The following CGNL1 variants were observed in gnomAD, a reference collection of about 807,000 sequenced individuals.
CGNL1 encodes cingulin-like protein 1.
In CGNL1, 132 loss-of-function variants were observed where a neutral mutation model predicts 141.2. The ratio of observed to expected loss-of-function variants is 0.93; its 90% CI spans 0.81 to 1.08. The LOEUF (loss-of-function observed/expected upper bound fraction) is 1.08. CGNL1 is among the 50% of genes least tolerant of loss of function. The probability of loss-of-function intolerance (pLI) is 0.00; values close to 1 mark genes in which losing one functional copy is unlikely to be tolerated. For synonymous variants in CGNL1, 690 were observed against 622.1 expected (o/e 1.11, Z -1.63); for missense variants, 1,870 against 1,588.6 (o/e 1.18, Z -3.01).
chr15:57,489,729 TC>T (rs2063832524), intron 8 of CGNL1, among the ~76,000 whole-genome samples: 1 of 152,200 alleles, frequency 6.6e-6, no homozygotes, highest in African/African-American at 2.4e-5. Context: ...TTTTCCAGGC[TC>T]CCTACCATTC....
intron 1 of CGNL1, among the ~76,000 whole-genome samples, chr15:57,384,606 C>G (rs1330037430): frequency 1.3e-5 from 2 of 152,148 alleles, no homozygotes; most frequent in Non-Finnish European, 2.9e-5. Flanking sequence ...CTGTATATGC[C>G]TTTATCTTGG....
At chr15:57,506,572 G>C (rs1483265478) in intron 8 of CGNL1, among the ~76,000 whole-genome samples, 2 of 152,198 alleles carry the variant, frequency 1.3e-5, no homozygotes, top group Non-Finnish European at 2.9e-5. Context: ...GAAGCCCCCA[G>C]CTGGCAGGTT....
At position 57,453,730 on chromosome 15, in the gene CGNL1, G is replaced by C. The variant is rs762496925; in HGVS notation, c.2102G>C (p.Arg701Thr). The C allele has an allele frequency of 6.2e-7, 1 of 1,613,838 alleles. No homozygotes were observed. The highest frequency in any genetic ancestry group is 8.5e-7 in the Non-Finnish European group (1 of 1,179,928). ...CGGGAGCAGCATCAGACTGAGATCA[G>C]GGATCTCCAGGACCAGCTCTCAGAA... ...MEREQHQTEI[R>T]DLQDQLSEMH... is the part of the protein sequence containing the mutation. Residue 701 changes from arginine (R) to threonine (T), a missense_variant, in exon 7 of 19, where the codon AGG becomes ACG. Transcript: ENST00000281282.
chr15:57,465,198 T>C (rs1386954447), intron 8 of CGNL1, among the ~76,000 whole-genome samples: 1 of 152,138 alleles, frequency 6.6e-6, no homozygotes, highest in Non-Finnish European at 1.5e-5. Context: ...CTGTTTTTGG[T>C]TATATTATTT....
At chr15:57,410,589 G>T (rs1363638775) in intron 1 of CGNL1, among the ~76,000 whole-genome samples, 1 of 152,200 alleles carries the variant, frequency 6.6e-6, no homozygotes, top group African/African-American at 2.4e-5. Flanking sequence ...GTCCCAACAT[G>T]TGTACGTGTG....
Position 57,540,885 on chromosome 15 carries a change from G to A in CGNL1, c.3292-2811G>A, listed in dbSNP as rs1244883268. ...GACTACCCTTGCCCAGCACACAAGC[G>A]TGTGCACTCGCAGACACATGCTTGC... On this transcript the variant is annotated intron_variant, in intron 14 of 18. Coordinates refer to ENST00000281282, the MANE Select transcript of CGNL1 (RefSeq NM_032866.5). Among the ~76,000 whole-genome samples, 9 of 152,340 alleles carry A rather than the reference G, an allele frequency of 5.9e-5. No homozygotes were observed. In the South Asian group the frequency reaches 1.5e-3, roughly 25 times the overall value.
intron 8 of CGNL1, among the ~76,000 whole-genome samples, chr15:57,475,932 G>A (rs1411906312): frequency 6.6e-6 from 1 of 152,156 alleles, no homozygotes; most frequent in African/African-American, 2.4e-5. Context: ...CCCAGCAGCT[G>A]CTGTTCTTTC....
At chr15:57,467,260 A>T (rs551235296) in intron 8 of CGNL1, among the ~76,000 whole-genome samples, 5 of 152,320 alleles carry the variant, frequency 3.3e-5, no homozygotes, top group South Asian at 2.1e-4. Flanking sequence ...ATAAAATCAT[A>T]TAGGAATCCC....
chr15:57,410,093 G>A (rs34487148), intron 1 of CGNL1, among the ~76,000 whole-genome samples: 32,949 of 152,168 alleles, frequency 0.22, 3,910 homozygotes, highest in Middle Eastern at 0.28. Flanking sequence ...GTGGAATCCT[G>A]TCTTAGTTCA....
chr15:57,544,383 C>G (rs2032735904), intron 15 of CGNL1, 90 bp from the exon 16 acceptor site: 1 of 1,507,854 alleles, frequency 6.6e-7, no homozygotes, highest in South Asian at 1.3e-5. Context: ...ATGCAGCGAC[C>G]AAACACCAGG....
rs71116514 is a variant in CGNL1, at chr15:57,378,363, GTTTTTTTTTTTTTTTTT to G, written c.-16+1815_-16+1831del. Among the ~76,000 whole-genome samples the G allele has an allele frequency of 7.7e-4, 26 of 33,938 alleles. 1 individual carries two copies. Among genetic ancestry groups the G allele is most frequent in the African/African-American group, 1.0e-3 (9 of 8,800 alleles). 22.3% of individuals were successfully genotyped at this position (33,938 alleles called of 152,430 possible). The stretch of plus-strand genomic sequence containing the variant: ...TTTCTTAGGGGGTGGCCCTCTATGT[GTTTTTTTTTTTTTTTTT>G]TTTTTTTTTTTTTTTTTTGAGACAG... On this transcript the variant is annotated intron_variant, in intron 1 of 18. Transcript: ENST00000281282.
At chr15:57,400,580 T>C (rs1291103129) in intron 1 of CGNL1, among the ~76,000 whole-genome samples, 1 of 152,136 alleles carries the variant, frequency 6.6e-6, no homozygotes, top group Non-Finnish European at 1.5e-5. Flanking sequence ...TTCTTTCTTA[T>C]TGTAAAAACA....
chr15:57,400,239 C>T (rs867382155), intron 1 of CGNL1, among the ~76,000 whole-genome samples: 11 of 152,068 alleles, frequency 7.2e-5, no homozygotes, highest in South Asian at 6.2e-4. Context: ...ACCTCAGGCC[C>T]GCCTCGGCCT....
Position 57,438,830 on chromosome 15 carries a change from C to T in CGNL1, c.831C>T (p.Pro277=), listed in dbSNP as rs747921752. The change falls in exon 2 of 19, where the codon CCC becomes CCT. Residue 277 remains proline (P), a synonymous_variant. Transcript: ENST00000281282. ...AGAAAACCAGGCCAGATGTTCTTCC[C>T]TTCCGGCGACAGGATTCAGCGGGAC... ...ETKKTRPDVL[P]FRRQDSAGPV... is the part of the protein sequence containing the mutation. 8 of 1,614,096 alleles carry T rather than the reference C, an allele frequency of 5.0e-6. No homozygotes were observed. The African/African-American group carries it at 6.7e-5, about 13-fold the overall frequency.
intron 4 of CGNL1, among the ~76,000 whole-genome samples, chr15:57,443,519 C>T (rs545836835): frequency 6.6e-6 from 1 of 151,592 alleles, no homozygotes; most frequent in Non-Finnish European, 1.5e-5. Context: ...GGGAAGCGTA[C>T]ATACAGGGGA....
intron 13 of CGNL1, among the ~76,000 whole-genome samples, chr15:57,529,327 GTATACATAGTA>G (rs2031811830): frequency 6.6e-6 from 1 of 152,130 alleles, no homozygotes; most frequent in African/African-American, 2.4e-5. Flanking sequence ...ATTTACTGTG[GTATACATAGTA>G]TGTACATAGT....
chr15:57,488,590 A>C (rs774543785), intron 8 of CGNL1, among the ~76,000 whole-genome samples: 13 of 152,128 alleles, frequency 8.5e-5, no homozygotes, highest in African/African-American at 2.2e-4. Context: ...CTTGATCATA[A>C]AGGTGATCAA....
At chr15:57,378,334 A>C (rs1408856176) in intron 1 of CGNL1, among the ~76,000 whole-genome samples, 1 of 101,910 alleles carries the variant, frequency 9.8e-6, no homozygotes, top group Non-Finnish European at 2.1e-5. Flanking sequence ...AGTGGTTTTA[A>C]GTTTTTCTTA....
chr15:57,504,713 C>A (rs1327042343), intron 8 of CGNL1, among the ~76,000 whole-genome samples: 1 of 152,158 alleles, frequency 6.6e-6, no homozygotes, highest in Non-Finnish European at 1.5e-5. Flanking sequence ...CATTAATGGG[C>A]TCTTGGAGCT....
Sources: gnomAD v4.1 joint callset for allele counts (sites outside exome capture counted in the v4.1 genomes callset) on GRCh38, gnomAD v4.1.1 for gene constraint, MANE v1.5 for transcripts, NCBI Gene and HGNC (gene_info 2026-07-23, HGNC 2026-07-21) for gene names.